The following FGGY variants were observed in gnomAD, a reference collection of about 807,000 sequenced individuals.
FGGY encodes FGGY carbohydrate kinase domain containing.
A neutral mutation model predicts 71.3 loss-of-function variants in FGGY; 72 were observed. The observed-to-expected ratio is 1.01, with a 90% confidence interval of 0.84 to 1.23. The LOEUF (loss-of-function observed/expected upper bound fraction) is 1.23, where lower values mean the gene tolerates loss of function less well. Ranked by LOEUF, FGGY falls within the 50% of genes most tolerant of loss-of-function variation. The pLI is 0.00. For synonymous variants in FGGY, 251 were observed against 250.3 expected (o/e 1.00, Z -0.02); for missense variants, 668 against 682.3 (o/e 0.98, Z 0.23).
chr1:59,422,116 G>A (rs540256142), intron 5 of FGGY, among the ~76,000 whole-genome samples: 1 of 152,298 alleles, frequency 6.6e-6, no homozygotes, highest in South Asian at 2.1e-4. Context: ...CACCTGGAGA[G>A]ATTTTCAGTT....
chr1:59,681,453 A>G (rs1312273879), intron 14 of FGGY, among the ~76,000 whole-genome samples: 1 of 152,226 alleles, frequency 6.6e-6, no homozygotes, highest in Non-Finnish European at 1.5e-5. Context: ...CTCTCTTTCT[A>G]TAATAAGGTT....
chr1:59,592,781 G>T (rs1455105982), intron 8 of FGGY, among the ~76,000 whole-genome samples: 1 of 135,032 alleles, frequency 7.4e-6, no homozygotes, highest in Non-Finnish European at 1.5e-5. Context: ...TCTGGGGACT[G>T]TTGTGGGGTG....
chr1:59,707,465 GC>G (rs1040978836), intron 14 of FGGY, among the ~76,000 whole-genome samples: 3 of 152,214 alleles, frequency 2.0e-5, no homozygotes, highest in African/African-American at 4.8e-5. Context: ...GGGGCAGTAG[GC>G]CCGGAGCTAA....
intron 11 of FGGY, among the ~76,000 whole-genome samples, chr1:59,643,930 G>A (rs72919632): frequency 0.039 from 5,977 of 152,226 alleles, 194 homozygotes; most frequent in African/African-American, 0.09. Context: ...TTGCCTTTTA[G>A]GATGCAAACT....
intron 14 of FGGY, among the ~76,000 whole-genome samples, chr1:59,691,580 A>G (rs183174055): frequency 1.3e-5 from 2 of 150,996 alleles, no homozygotes; most frequent in African/African-American, 2.4e-5. Flanking sequence ...TTCTGGGAGG[A>G]GTCAACGAGC....
intron 1 of FGGY, among the ~76,000 whole-genome samples, chr1:59,297,706 C>T (rs1179433159): frequency 6.6e-6 from 1 of 151,936 alleles, no homozygotes. Context: ...GCCTGCAGTC[C>T]CAGCTTCTCG....
chr1:59,528,609 C>T (rs1054480713), intron 7 of FGGY, among the ~76,000 whole-genome samples: 8 of 152,124 alleles, frequency 5.3e-5, no homozygotes, highest in Non-Finnish European at 1.2e-4. Flanking sequence ...GTTAGGCTGT[C>T]GATCTGTATT....
intron 5 of FGGY, among the ~76,000 whole-genome samples, chr1:59,431,242 T>G (rs1012276409): frequency 1.3e-5 from 2 of 152,210 alleles, no homozygotes; most frequent in African/African-American, 4.8e-5. Flanking sequence ...CTATTTGAAT[T>G]CTTTAGTAAC....
intron 14 of FGGY, among the ~76,000 whole-genome samples, chr1:59,738,099 C>A (rs1038571952): frequency 6.6e-6 from 1 of 152,164 alleles, no homozygotes; most frequent in African/African-American, 2.4e-5. Flanking sequence ...AAAAGAAGAA[C>A]CTTCAAGAAT....
At chr1:59,564,425 T>C (rs1363722121) in intron 8 of FGGY, among the ~76,000 whole-genome samples, 3 of 152,190 alleles carry the variant, frequency 2.0e-5, no homozygotes, top group African/African-American at 7.2e-5. Context: ...ATAACAGCAC[T>C]TTACAGCTTC....
chr1:59,761,276 G>A (rs960332521), intron 15 of FGGY, among the ~76,000 whole-genome samples: 14 of 152,196 alleles, frequency 9.2e-5, no homozygotes, highest in Admixed American at 1.3e-4. Context: ...GCTTGGCCCC[G>A]TCACAACTCC....
At chr1:59,563,152 A>G (rs140524954) in intron 8 of FGGY, among the ~76,000 whole-genome samples, 232 of 152,306 alleles carry the variant, frequency 1.5e-3, no homozygotes, top group African/African-American at 5.4e-3. Flanking sequence ...GAGTGGTGAG[A>G]GAGGGCATCC....
At chr1:59,449,837 G>A (rs1225927389) in intron 5 of FGGY, among the ~76,000 whole-genome samples, 1 of 152,072 alleles carries the variant, frequency 6.6e-6, no homozygotes, top group Non-Finnish European at 1.5e-5. Context: ...GGGCATGGTG[G>A]TGTGTGCTTA....
chr1:59,708,441 C>T (rs555735558), intron 14 of FGGY, among the ~76,000 whole-genome samples: 5 of 152,266 alleles, frequency 3.3e-5, no homozygotes, highest in African/African-American at 9.6e-5. Flanking sequence ...ATACCAGGCT[C>T]GGCCCCTATT....
intron 14 of FGGY, among the ~76,000 whole-genome samples, chr1:59,749,988 C>G (rs2098231873): frequency 6.6e-6 from 1 of 152,116 alleles, no homozygotes; most frequent in Non-Finnish European, 1.5e-5. Context: ...ATAAGGGGAA[C>G]CAAAGTGGAA....
chr1:59,631,879 T>G (rs796458095), intron 10 of FGGY, among the ~76,000 whole-genome samples: 84 of 152,314 alleles, frequency 5.5e-4, no homozygotes, highest in African/African-American at 1.9e-3. Context: ...ATTTCACTCT[T>G]TAGCAGAGAT....
intron 11 of FGGY, among the ~76,000 whole-genome samples, chr1:59,643,047 A>AG (rs1384719753): frequency 2.0e-5 from 3 of 152,042 alleles, no homozygotes; most frequent in East Asian, 3.9e-4. Context: ...AAAAAAAAAA[A>AG]AAAAGAAAAA....
chr1:59,665,938 G>C (rs1046312025), intron 12 of FGGY, among the ~76,000 whole-genome samples: 5 of 152,320 alleles, frequency 3.3e-5, no homozygotes, highest in Non-Finnish European at 7.4e-5. Context: ...CTCCCAAAGT[G>C]CTGGGATTAC....
chr1:59,757,583 CCT>C (rs2101852635), intron 14 of FGGY, among the ~76,000 whole-genome samples: 1 of 152,198 alleles, frequency 6.6e-6, no homozygotes, highest in South Asian at 2.1e-4. Context: ...CTGCTTCTGC[CCT>C]GTGTCCAGAT....
Sources: allele counts gnomAD v4.1 joint callset (sites outside exome capture counted in the v4.1 genomes callset), GRCh38; gene constraint gnomAD v4.1.1; transcripts MANE v1.5; gene names NCBI Gene and HGNC (gene_info 2026-07-23, HGNC 2026-07-21).